DNAH5: variants seen among roughly 807,000 people sequenced by gnomAD.
DNAH5 encodes the protein dynein axonemal heavy chain 5, also known as axonemal beta dynein heavy chain 5.
Under a neutral mutation model 518.2 loss-of-function variants are expected in DNAH5, and 372 were observed. The observed-to-expected ratio is 0.72, with a 90% CI of 0.66 to 0.78. The LOEUF (loss-of-function observed/expected upper bound fraction) is 0.78, where lower values mean the gene tolerates loss of function less well. Ranked by LOEUF, DNAH5 falls within the 30% of genes least tolerant of loss-of-function variation. The probability of loss-of-function intolerance (pLI) is 0.00; values close to 1 mark genes in which losing one functional copy is unlikely to be tolerated. For missense variants in DNAH5, 5,523 were observed against 5,687.0 expected (o/e 0.97, Z 0.93); for synonymous variants, 2,039 against 2,025.9 (o/e 1.01, Z -0.17).
intron 21 of DNAH5, among the ~76,000 whole-genome samples, chr5:13,879,240 AC>A (rs1771307563): frequency 6.6e-6 from 1 of 152,204 alleles, no homozygotes; most frequent in African/African-American, 2.4e-5. Flanking sequence ...ATCTCCAGAA[AC>A]TGTTCTGAGT....
In DNAH5 at chr5:13,870,974, C is replaced by T. The variant is rs1263509043; in HGVS notation, c.3627G>A (p.Glu1209=). 5 of 1,613,660 alleles carry T rather than the reference C, an allele frequency of 3.1e-6. No homozygotes were observed. The East Asian group carries it at 8.9e-5, about 29-fold the overall frequency. ...TADLKFALTA[E]TKAWMVVIGR... is the part of the protein sequence containing the mutation. ...CAATGACAACCATCCAGGCCTTTGT[C>T]TCAGCAGTCAGGGCGAACTTCAAGT... Residue 1209 remains glutamate (E), a synonymous_variant, in exon 24 of 79, where the codon GAG becomes GAA. Transcript: ENST00000265104.
At position 13,871,783 on chromosome 5, in the gene DNAH5, A is replaced by G; in HGVS notation, c.3397-18T>C. The stretch of plus-strand genomic sequence containing the variant: ...ATAACTTCCTGAATGCAAATAACAG[A>G]TTTATGTTAAGAAGGAAGAATCTGA... On this transcript the variant is annotated intron_variant, in intron 22 of 78. Transcript: ENST00000265104. 1 of 1,604,828 alleles carries G rather than the reference A, an allele frequency of 6.2e-7. No homozygotes were observed.
At chr5:13,848,754 T>C (rs1264975384) in intron 31 of DNAH5, among the ~76,000 whole-genome samples, 7 of 152,162 alleles carry the variant, frequency 4.6e-5, no homozygotes, top group Non-Finnish European at 7.4e-5. Context: ...GAGACCCTAA[T>C]GTTGCTGCTG....
In DNAH5 at chr5:13,814,791, AT is replaced by A. The variant is rs1246039124; in HGVS notation, c.7043del (p.Asn2348IlefsTer2). ...TGTTATCATCCAAAACAGAATTCAG[AT>A]TTTCAATCCAGATGGCATCTACTGG... ...DGPVDAIWIE[N>X]LNSVLDDNKT... On this transcript the variant is annotated frameshift_variant, in exon 43 of 79. Coordinates refer to ENST00000265104, the MANE Select transcript of DNAH5 (RefSeq NM_001369.3). LOFTEE classifies it high-confidence loss of function. 1 of 1,613,924 alleles carries A rather than the reference AT, an allele frequency of 6.2e-7. No homozygotes were observed. The highest frequency in any genetic ancestry group is 1.7e-5 in the Admixed American group (1 of 59,994).
At chr5:13,864,038 G>A (rs372388301) in intron 28 of DNAH5, among the ~76,000 whole-genome samples, 5 of 152,134 alleles carry the variant, frequency 3.3e-5, no homozygotes, top group South Asian at 2.1e-4. Flanking sequence ...CCAGTCCTAC[G>A]CATGCATCCT....
intron 53 of DNAH5, 59 bp from the exon 54 acceptor site, chr5:13,777,414 C>T: frequency 6.6e-7 from 1 of 1,509,530 alleles, no homozygotes; most frequent in East Asian, 2.3e-5. Flanking sequence ...GGGAAAGAAC[C>T]TTGTAACAAC....
chr5:13,711,474 C>T (rs953714832), intron 75 of DNAH5, among the ~76,000 whole-genome samples: 2 of 152,312 alleles, frequency 1.3e-5, no homozygotes, highest in East Asian at 3.9e-4. Flanking sequence ...AGGATGCCCA[C>T]TCTCATCACT....
intron 69 of DNAH5, 144 bp downstream of exon 69, chr5:13,729,295 T>C (rs1746178167): frequency 9.0e-7 from 1 of 1,110,058 alleles, no homozygotes; most frequent in African/African-American, 1.5e-5. Flanking sequence ...GTAAGTGTGC[T>C]TTCAAGAAGG....
intron 12 of DNAH5, among the ~76,000 whole-genome samples, chr5:13,904,896 G>A (rs950246068): frequency 1.3e-5 from 2 of 151,970 alleles, no homozygotes; most frequent in African/African-American, 4.8e-5. Context: ...GGGTGACAGA[G>A]CAAGACCCTG....
chr5:13,838,026 T>G (rs1764641781), intron 35 of DNAH5, among the ~76,000 whole-genome samples: 1 of 152,142 alleles, frequency 6.6e-6, no homozygotes, highest in Admixed American at 6.6e-5. Context: ...GAACATTATT[T>G]CTAATGGGCA....
rs1352619466 is a variant in DNAH5 at position 13,754,355 on chromosome 5, T to C, written c.10420-17A>G. ...AAGCAAGGTCTAACAAAGGTCATAA[T>C]CACAAGAAAGCTTTTACTGAAATAA... On this transcript the variant is annotated splice_polypyrimidine_tract_variant and intron_variant, in intron 61 of 78. Coordinates refer to ENST00000265104, the MANE Select transcript of DNAH5 (RefSeq NM_001369.3). The C allele has an allele frequency of 5.6e-6, 9 of 1,613,972 alleles. No homozygotes were observed. Among genetic ancestry groups the C allele is most frequent in the Non-Finnish European group, 7.6e-6 (9 of 1,179,902 alleles).
At chr5:13,855,620 T>C (rs1387708882) in intron 30 of DNAH5, among the ~76,000 whole-genome samples, 1 of 152,184 alleles carries the variant, frequency 6.6e-6, no homozygotes, top group Non-Finnish European at 1.5e-5. Flanking sequence ...ATTCAGGACT[T>C]GAACTCAGCT....
Position 13,886,032 on chromosome 5 carries a change from AC to A in DNAH5, c.2674del (p.Val892PhefsTer34), listed in dbSNP as rs1772380356. On this transcript the variant is annotated frameshift_variant, in exon 18 of 79. Transcript: ENST00000265104. LOFTEE classifies it high-confidence loss of function. ...TTTTTCACTTTCTTCTTCAGATAAAACTTCCACATCCAGCAACATATTTACA... is the reference window on the plus strand; with the variant it reads ...TTTTTCACTTTCTTCTTCAGATAAAATTCCACATCCAGCAACATATTTACA... The part of the protein sequence containing the change: ...ELVNMLLDVE[V>X]LSEEESEKIS... 1.2e-6 allele frequency: 2 copies of A among 1,612,906 alleles called. No homozygotes were observed. Among genetic ancestry groups the A allele is most frequent in the African/African-American group, 2.7e-5 (2 of 74,744 alleles).
At position 13,769,527 on chromosome 5, in the gene DNAH5, G is replaced by A. The variant is rs369683202; in HGVS notation, c.9694C>T (p.Gln3232Ter). The change falls in exon 57 of 79, where the codon CAA (glutamine) becomes TAA (stop). Residue 3232 changes from glutamine (Q) to a stop codon, truncating the protein, a stop_gained. Coordinates refer to ENST00000265104, the MANE Select transcript of DNAH5 (RefSeq NM_001369.3). LOFTEE classifies it high-confidence loss of function. ...ATGTCGGCTTTATCGTTGGCCACTT[G>A]TAGCTCCTTTTCTTTCGCTTCCAGT... ...KELEAKEKEL[Q>*]VANDKADMVL... is the part of the protein sequence containing the mutation. 8 of 1,613,926 alleles carry A rather than the reference G, an allele frequency of 5.0e-6. No individual in the cohort carries two copies. In the South Asian group the frequency reaches 8.8e-5, roughly 18 times the overall value.
chr5:13,711,648 C>T (rs1168593410), intron 75 of DNAH5, among the ~76,000 whole-genome samples: 2 of 152,184 alleles, frequency 1.3e-5, no homozygotes, highest in South Asian at 4.1e-4. Context: ...GCTCTTGGAA[C>T]TGATACAAGA....
intron 63 of DNAH5, 43 bp from the exon 64 acceptor site, chr5:13,752,332 T>C (rs369915421): frequency 1.2e-6 from 2 of 1,602,970 alleles, no homozygotes; most frequent in African/African-American, 2.7e-5. Context: ...GACATTACCA[T>C]GAAGCAATGC....
At position 13,867,967 on chromosome 5, in the gene DNAH5, T is replaced by A; in HGVS notation, c.3860A>T (p.Tyr1287Phe). The A allele has an allele frequency of 6.2e-7, 1 of 1,613,294 alleles. No individual in the cohort carries two copies. The highest frequency in any genetic ancestry group is 8.5e-7 in the Non-Finnish European group (1 of 1,179,794). ...IEESYALLNR[Y>F]GLLIAREEID... ...CTCTTCCCTTGCTATCAGAAGTCCA[T>A]ATCTGTTAAGCAGGGCATAAGATTC... The change falls in exon 25 of 79, where the codon TAT (tyrosine) becomes TTT (phenylalanine). Residue 1287 changes from tyrosine (Y) to phenylalanine (F), a missense_variant. By Grantham distance (22) the Tyr-to-Phe change is conservative. Around this residue, in one of 3 missense-constraint regions of DNAH5, gnomAD observed 5,121 missense variants for 5,223.3 expected, o/e 0.98. Coordinates refer to ENST00000265104, the MANE Select transcript of DNAH5 (RefSeq NM_001369.3).
intron 65 of DNAH5, among the ~76,000 whole-genome samples, chr5:13,744,620 T>C (rs1026500603): frequency 2.0e-5 from 3 of 152,070 alleles, no homozygotes; most frequent in African/African-American, 7.2e-5. Context: ...TTACTATATG[T>C]CAATTAAAAA....
At chr5:13,908,260 TA>T (rs1410351145) in intron 12 of DNAH5, among the ~76,000 whole-genome samples, 2 of 152,188 alleles carry the variant, frequency 1.3e-5, no homozygotes, top group African/African-American at 4.8e-5. Flanking sequence ...GTTCCTGCAT[TA>T]AAAAACAGTA....
Sources: allele counts gnomAD v4.1 joint callset (sites outside exome capture counted in the v4.1 genomes callset), GRCh38; gene constraint gnomAD v4.1.1; regional missense constraint gnomAD v4.1.1; transcripts MANE v1.5; gene names NCBI Gene and HGNC (gene_info 2026-07-23, HGNC 2026-07-21).